Variants in EYS observed in about 807,000 individuals in gnomAD.
EYS encodes the protein EGF-like photoreceptor maintenance factor, also known as protein eyes shut homolog.
EYS carries 250 observed loss-of-function variants against 282.1 expected under a neutral mutation model. The observed-to-expected ratio is 0.89, with a 90% CI of 0.80 to 0.98. EYS has a LOEUF of 0.98. Among genes scored for constraint, EYS ranks in the 50% least tolerant of loss-of-function variants. EYS has a pLI of 0.00. For synonymous variants in EYS, 1,355 were observed against 1,282.9 expected (o/e 1.06, Z -1.20); for missense variants, 4,016 against 3,709.0 (o/e 1.08, Z -2.15).
In EYS at chr6:64,113,327, A is replaced by G. The variant is rs1226800604; in HGVS notation, c.6425-31325T>C. ...TTTGAACAGTGATACTGGCGTTTGA[A>G]TCTCAGATCTGTTATATGATAGCTG... On this transcript the variant is annotated intron_variant, in intron 31 of 42. Transcript: ENST00000503581. Among the ~76,000 whole-genome samples, 3 of 152,126 alleles carry G rather than the reference A, an allele frequency of 2.0e-5. No individual in the cohort carries two copies. In the East Asian group the frequency reaches 5.8e-4, roughly 29 times the overall value.
chr6:64,734,567 A>T (rs890341001), intron 22 of EYS, among the ~76,000 whole-genome samples: 7 of 152,172 alleles, frequency 4.6e-5, no homozygotes, highest in Admixed American at 1.3e-4. Context: ...TAAGTTGTTT[A>T]TGACTATTTC....
At chr6:65,509,190 C>A (rs1230277166) in intron 2 of EYS, among the ~76,000 whole-genome samples, 1 of 152,142 alleles carries the variant, frequency 6.6e-6, no homozygotes, top group Non-Finnish European at 1.5e-5. Context: ...GGAAGCAGAG[C>A]CTCTGCAGGA....
rs1562127774 is a variant in EYS at position 65,369,318 on chromosome 6, A to ATATATATATTTATATATAATATATATAT, written c.1299+15067_1299+15068insATATATATATTATATATAAATATATATA. ...TATATTTATGTATAATATATATATT[A>ATATATATATTTATATATAATATATATAT]TATATATATATTTATATATATATAT... On this transcript the variant is annotated intron_variant, in intron 8 of 42. Coordinates refer to ENST00000503581, the MANE Select transcript of EYS (RefSeq NM_001142800.2). 7.7e-5 allele frequency among the ~76,000 whole-genome samples: 4 copies of ATATATATATTTATATATAATATATATAT among 51,626 alleles called. 1 individual carries two copies. In the Admixed American group the frequency reaches 8.2e-4, roughly 11 times the overall value. 33.9% of individuals were successfully genotyped at this position (51,626 alleles called of 152,430 possible).
intron 35 of EYS, among the ~76,000 whole-genome samples, chr6:63,887,465 C>T (rs1340597218): frequency 6.6e-6 from 1 of 151,802 alleles, no homozygotes; most frequent in African/African-American, 2.4e-5. Flanking sequence ...ACCAGTTCAT[C>T]TCGTTGGGAC....
intron 37 of EYS, among the ~76,000 whole-genome samples, chr6:63,790,083 CAA>C (rs1324365122): frequency 2.0e-5 from 3 of 152,124 alleles, no homozygotes; most frequent in Non-Finnish European, 4.4e-5. Context: ...GAAACTGAGG[CAA>C]AGACTTCTGC....
intron 36 of EYS, among the ~76,000 whole-genome samples, chr6:63,850,124 A>G (rs1772207644): frequency 6.6e-6 from 1 of 152,218 alleles, no homozygotes; most frequent in African/African-American, 2.4e-5. Flanking sequence ...ACAAGATTAG[A>G]GAAAAAAGAA....
intron 2 of EYS, among the ~76,000 whole-genome samples, chr6:65,578,385 GTAGAAAACTAGAAAAGTCAAATTCA>G (rs1764750705): frequency 6.6e-6 from 1 of 151,610 alleles, no homozygotes; most frequent in Non-Finnish European, 1.5e-5. Context: ...AGTCAAATTC[GTAGAAAACTAGAAAAGTCAAATTCA>G]TAGAAACAGA....
At chr6:64,023,263 C>A (rs1215921838) in intron 33 of EYS, among the ~76,000 whole-genome samples, 1 of 152,138 alleles carries the variant, frequency 6.6e-6, no homozygotes, top group African/African-American at 2.4e-5. Context: ...CTCTGTTGAT[C>A]GATACTTCTC....
At chr6:65,682,386 C>G (rs905069037) in intron 1 of EYS, among the ~76,000 whole-genome samples, 2 of 151,812 alleles carry the variant, frequency 1.3e-5, no homozygotes, top group South Asian at 4.2e-4. Flanking sequence ...CAAAAGGAAA[C>G]CTTATCTGTA....
intron 2 of EYS, among the ~76,000 whole-genome samples, chr6:65,519,951 A>G (rs1254773602): frequency 6.7e-6 from 1 of 149,080 alleles, no homozygotes; most frequent in Non-Finnish European, 1.5e-5. Context: ...ATACTTTTCT[A>G]AACGATGTAT....
At chr6:64,131,076 C>G (rs1156519025) in intron 31 of EYS, among the ~76,000 whole-genome samples, 1 of 149,602 alleles carries the variant, frequency 6.7e-6, no homozygotes, top group Non-Finnish European at 1.5e-5. Context: ...CCATGTTGGT[C>G]AGGCTGGTCT....
At chr6:63,868,642 C>T (rs1475349302) in intron 35 of EYS, among the ~76,000 whole-genome samples, 5 of 152,122 alleles carry the variant, frequency 3.3e-5, no homozygotes, top group Admixed American at 2.0e-4. Flanking sequence ...CTCTATGTAT[C>T]GGCTCTGATA....
chr6:65,418,415 T>A (rs995070644), intron 5 of EYS, among the ~76,000 whole-genome samples: 2 of 152,044 alleles, frequency 1.3e-5, no homozygotes, highest in African/African-American at 4.8e-5. Flanking sequence ...TAAGGACACA[T>A]GCACACATAT....
intron 12 of EYS, among the ~76,000 whole-genome samples, chr6:65,258,613 G>A (rs979970528): frequency 1.3e-5 from 2 of 151,882 alleles, no homozygotes; most frequent in African/African-American, 4.8e-5. Context: ...TTCTTGCATT[G>A]GTTAAAAACT....
chr6:64,818,045 A>G (rs528894249), intron 21 of EYS, among the ~76,000 whole-genome samples: 3 of 152,256 alleles, frequency 2.0e-5, no homozygotes, highest in South Asian at 2.1e-4. Context: ...AAATTCTGTA[A>G]TTAGTTTTTT....
intron 14 of EYS, among the ~76,000 whole-genome samples, chr6:64,960,873 A>G (rs1769888905): frequency 6.6e-6 from 1 of 152,074 alleles, no homozygotes; most frequent in South Asian, 2.1e-4. Context: ...TGGTCTCATC[A>G]TTTAGCTCCC....
intron 29 of EYS, among the ~76,000 whole-genome samples, chr6:64,380,725 A>C (rs1408553253): frequency 6.6e-6 from 1 of 152,216 alleles, no homozygotes; most frequent in East Asian, 1.9e-4. Flanking sequence ...ACTTTAAAAA[A>C]TAAAGATTAT....
intron 31 of EYS, among the ~76,000 whole-genome samples, chr6:64,206,920 C>T (rs149797778): frequency 0.016 from 2,394 of 152,134 alleles, 21 homozygotes; most frequent in South Asian, 0.035. Flanking sequence ...TTTCATCACC[C>T]AGGTATTAAG....
At chr6:65,206,886 G>A (rs919082841) in intron 12 of EYS, among the ~76,000 whole-genome samples, 1 of 151,722 alleles carries the variant, frequency 6.6e-6, no homozygotes, top group Admixed American at 6.6e-5. Context: ...AAAATAATAA[G>A]AGCCATATGT....
Sources: gnomAD v4.1 joint callset for allele counts (sites outside exome capture counted in the v4.1 genomes callset) on GRCh38, gnomAD v4.1.1 for gene constraint, MANE v1.5 for transcripts, NCBI Gene and HGNC (gene_info 2026-07-23, HGNC 2026-07-21) for gene names.